MARCHF1: variants seen among roughly 807,000 people sequenced by gnomAD.
MARCHF1 encodes E3 ubiquitin-protein ligase MARCHF1.
Under a neutral mutation model 54.2 loss-of-function variants are expected in MARCHF1, and 40 were observed. The ratio of observed to expected loss-of-function variants is 0.74; its 90% confidence interval spans 0.57 to 0.96. The LOEUF (loss-of-function observed/expected upper bound fraction) is 0.96, where lower values mean the gene tolerates loss of function less well. MARCHF1 is among the 40% of genes least tolerant of loss of function. The probability of loss-of-function intolerance (pLI) is 0.00; values close to 1 mark genes in which losing one functional copy is unlikely to be tolerated. For missense variants in MARCHF1, 586 were observed against 656.5 expected (o/e 0.89, Z 1.17); for synonymous variants, 236 against 236.3 (o/e 1.00, Z 0.01).
chr4:164,114,441 T>C (rs1003826240), intron 1 of MARCHF1, among the ~76,000 whole-genome samples: 1 of 151,826 alleles, frequency 6.6e-6, no homozygotes. Context: ...TACCCATTAA[T>C]AATTCAAAAA....
At chr4:163,678,385 G>A (rs1743987200) in intron 5 of MARCHF1, among the ~76,000 whole-genome samples, 1 of 152,116 alleles carries the variant, frequency 6.6e-6, no homozygotes, top group Admixed American at 6.6e-5. Flanking sequence ...TTTCATTAGA[G>A]GAGCACTTTA....
intron 2 of MARCHF1, among the ~76,000 whole-genome samples, chr4:164,109,925 A>AAAAAAAAAAAAAAAAAAAAC (rs1755797215): frequency 6.7e-6 from 1 of 149,454 alleles, no homozygotes; most frequent in Non-Finnish European, 1.5e-5. Flanking sequence ...AAAAAAAAAA[A>AAAAAAAAAAAAAAAAAAAAC]AAAAAAAAAA....
intron 9 of MARCHF1, among the ~76,000 whole-genome samples, chr4:163,543,162 T>G (rs1378959651): frequency 6.6e-6 from 1 of 152,148 alleles, no homozygotes; most frequent in African/African-American, 2.4e-5. Context: ...TGTGTTTTTG[T>G]AAATCTGCTG....
intron 1 of MARCHF1, among the ~76,000 whole-genome samples, chr4:164,346,562 G>A (rs1048651169): frequency 8.4e-5 from 8 of 95,454 alleles, no homozygotes; most frequent in Non-Finnish European, 1.5e-4. Context: ...GTAATGAATG[G>A]ACCTGACAAA....
intron 4 of MARCHF1, among the ~76,000 whole-genome samples, chr4:163,807,849 G>GT (rs1561088729): frequency 6.6e-6 from 1 of 151,500 alleles, no homozygotes; most frequent in Non-Finnish European, 1.5e-5. Context: ...CCTCTTATAC[G>GT]TTTCTGTTTT....
intron 5 of MARCHF1, among the ~76,000 whole-genome samples, chr4:163,675,512 GA>G (rs1436588365): frequency 6.6e-6 from 1 of 152,176 alleles, no homozygotes; most frequent in Non-Finnish European, 1.5e-5. Context: ...GATTAAACTA[GA>G]AAGTTCATTA....
chr4:163,709,518 A>G (rs917855783), intron 4 of MARCHF1, among the ~76,000 whole-genome samples: 1 of 152,210 alleles, frequency 6.6e-6, no homozygotes, highest in South Asian at 2.1e-4. Context: ...AAAAATGGCA[A>G]AATTGGCCTT....
At chr4:163,965,969 TGA>T (rs566551432) in intron 3 of MARCHF1, among the ~76,000 whole-genome samples, 41 of 152,056 alleles carry the variant, frequency 2.7e-4, no homozygotes, top group Non-Finnish European at 5.3e-4. Flanking sequence ...ACCCTGAGAT[TGA>T]GAGATGACAG....
intron 3 of MARCHF1, among the ~76,000 whole-genome samples, chr4:163,974,543 A>G (rs1267979178): frequency 6.6e-6 from 1 of 152,220 alleles, no homozygotes; most frequent in Non-Finnish European, 1.5e-5. Context: ...ATAGTGAAAA[A>G]CCATACCTGC....
chr4:163,777,190 G>A (rs1381710830), intron 4 of MARCHF1, among the ~76,000 whole-genome samples: 1 of 152,130 alleles, frequency 6.6e-6, no homozygotes, highest in Admixed American at 6.5e-5. Flanking sequence ...ATAAGGTTAT[G>A]CCTTCTCTGA....
intron 2 of MARCHF1, among the ~76,000 whole-genome samples, chr4:164,022,340 C>A (rs897673938): frequency 1.3e-5 from 2 of 152,092 alleles, no homozygotes; most frequent in African/African-American, 4.8e-5. Context: ...TGAGACAGAC[C>A]AAAATATAGA....
At chr4:164,106,591 G>T (rs1755705375) in intron 2 of MARCHF1, among the ~76,000 whole-genome samples, 1 of 144,450 alleles carries the variant, frequency 6.9e-6, no homozygotes, top group Admixed American at 7.0e-5. Context: ...ACAGGAAGGG[G>T]AATATCACAC....
At chr4:164,179,474 T>C (rs531141160) in intron 1 of MARCHF1, among the ~76,000 whole-genome samples, 48 of 152,232 alleles carry the variant, frequency 3.2e-4, no homozygotes, top group African/African-American at 1.1e-3. Context: ...TACAATAATA[T>C]TGAATAGTTT....
At chr4:164,337,580 C>G (rs1729775092) in intron 1 of MARCHF1, among the ~76,000 whole-genome samples, 1 of 152,196 alleles carries the variant, frequency 6.6e-6, no homozygotes, top group African/African-American at 2.4e-5. Flanking sequence ...TCCTTAGTAA[C>G]CAATCTGTGG....
intron 2 of MARCHF1, among the ~76,000 whole-genome samples, chr4:164,100,875 C>T (rs1755532950): frequency 6.6e-6 from 1 of 152,280 alleles, no homozygotes; most frequent in Middle Eastern, 3.4e-3. Flanking sequence ...TAGGGAGTGC[C>T]AGACAGTGGG....
chr4:163,953,405 G>A (rs1171528651), intron 3 of MARCHF1, among the ~76,000 whole-genome samples: 2 of 152,124 alleles, frequency 1.3e-5, no homozygotes, highest in Non-Finnish European at 2.9e-5. Flanking sequence ...TCATGGGGCT[G>A]TCATGAAGTT....
At chr4:163,904,143 C>G (rs1751005271) in intron 3 of MARCHF1, among the ~76,000 whole-genome samples, 1 of 152,006 alleles carries the variant, frequency 6.6e-6, no homozygotes. Flanking sequence ...TATTTTCTGT[C>G]TAAAATTACA....
chr4:163,773,613 G>A (rs932301911), intron 4 of MARCHF1, among the ~76,000 whole-genome samples: 1 of 152,084 alleles, frequency 6.6e-6, no homozygotes, highest in Non-Finnish European at 1.5e-5. Context: ...ATCTTCTCTC[G>A]CATTTTATTA....
At chr4:164,026,190 A>G (rs1347710589) in intron 2 of MARCHF1, among the ~76,000 whole-genome samples, 1 of 152,130 alleles carries the variant, frequency 6.6e-6, no homozygotes, top group African/African-American at 2.4e-5. Context: ...TGCTGAAACT[A>G]TTCCAAAAAA....
Sources: gnomAD v4.1 joint callset for allele counts (sites outside exome capture counted in the v4.1 genomes callset) on GRCh38, gnomAD v4.1.1 for gene constraint, MANE v1.5 for transcripts, NCBI Gene and HGNC (gene_info 2026-07-23, HGNC 2026-07-21) for gene names.